Variants in FRMD4B observed in about 807,000 individuals in gnomAD.
The protein encoded by FRMD4B is FERM domain-containing protein 4B.
A neutral mutation model predicts 141.5 loss-of-function variants in FRMD4B; 74 were observed. The observed-to-expected ratio is 0.52, with a 90% CI of 0.43 to 0.63. The LOEUF is 0.63. Among genes scored for constraint, FRMD4B ranks in the 30% least tolerant of loss-of-function variants. FRMD4B has a pLI of 0.00. For missense variants in FRMD4B, 1,366 were observed against 1,253.4 expected (o/e 1.09, Z -1.36); for synonymous variants, 506 against 467.9 (o/e 1.08, Z -1.05).
Position 69,171,791 on chromosome 3 carries a change from A to T in FRMD4B, c.*70T>A. The T allele has an allele frequency of 6.7e-7, 1 of 1,501,558 alleles. No homozygotes were observed. The highest frequency in any genetic ancestry group is 9.2e-7 in the Non-Finnish European group (1 of 1,088,452). 93.0% of individuals were successfully genotyped at this position (1,501,558 alleles called of 1,614,324 possible). The stretch of plus-strand genomic sequence containing the variant: ...GTTTCTAAAACGAACATCCTCTCGG[A>T]AGACAAATACAATTTGCAAGGCACA... On this transcript the variant is annotated 3_prime_UTR_variant, in exon 23 of 23. Coordinates refer to ENST00000398540, the MANE Select transcript of FRMD4B (RefSeq NM_015123.3).
intron 5 of FRMD4B, among the ~76,000 whole-genome samples, chr3:69,268,568 G>C (rs1159566187): frequency 6.6e-6 from 1 of 151,910 alleles, no homozygotes; most frequent in South Asian, 2.1e-4. Flanking sequence ...GCAGCAGGGC[G>C]TTCTGATGCA....
chr3:69,481,711 C>T (rs1011666876), intron 1 of FRMD4B, among the ~76,000 whole-genome samples: 3 of 152,128 alleles, frequency 2.0e-5, no homozygotes, highest in South Asian at 2.1e-4. Flanking sequence ...TCACCTTTCA[C>T]AACTTCAGTC....
rs780109217 is a variant in FRMD4B, at chr3:69,171,788, C to T, written c.*73G>A. On this transcript the variant is annotated 3_prime_UTR_variant, in exon 23 of 23. Coordinates refer to ENST00000398540, the MANE Select transcript of FRMD4B (RefSeq NM_015123.3). ...TAGGTTTCTAAAACGAACATCCTCT[C>T]GGAAGACAAATACAATTTGCAAGGC... 30 of 1,480,748 alleles carry T rather than the reference C, an allele frequency of 2.0e-5. No homozygotes were observed. Among genetic ancestry groups the T allele is most frequent in the African/African-American group, 4.2e-5 (3 of 71,614 alleles). 91.7% of individuals were successfully genotyped at this position (1,480,748 alleles called of 1,614,324 possible).
chr3:69,271,469 T>TGAAA (rs2093594081), intron 5 of FRMD4B, among the ~76,000 whole-genome samples: 1 of 152,112 alleles, frequency 6.6e-6, no homozygotes, highest in African/African-American at 2.4e-5. Flanking sequence ...CACAGCACGA[T>TGAAA]GAAAAGGTCC....
chr3:69,369,558 CT>C (rs1703766657), intron 1 of FRMD4B, among the ~76,000 whole-genome samples: 1 of 151,962 alleles, frequency 6.6e-6, no homozygotes, highest in Admixed American at 6.6e-5. Flanking sequence ...ATTTTTGAAA[CT>C]CAGAGTTGGT....
intron 4 of FRMD4B, among the ~76,000 whole-genome samples, chr3:69,290,506 A>G (rs1700837525): frequency 6.6e-6 from 1 of 152,132 alleles, no homozygotes; most frequent in Admixed American, 6.5e-5. Context: ...GTTTCTGTGC[A>G]TTTCCAAGAA....
chr3:69,216,191 G>T, intron 11 of FRMD4B, 72 bp downstream of exon 11: 1 of 841,220 alleles, frequency 1.2e-6, no homozygotes, highest in South Asian at 1.5e-5. Flanking sequence ...CTAATGGTGT[G>T]TGCTTTTCAA....
intron 1 of FRMD4B, among the ~76,000 whole-genome samples, chr3:69,520,050 C>CATATATATATATGATGGA (rs1174455277): frequency 1.3e-5 from 1 of 76,580 alleles, no homozygotes; most frequent in Non-Finnish European, 2.2e-5. Context: ...ATATTCCATC[C>CATATATATATATGATGGA]ATATATATAT....
chr3:69,207,575 C>T (rs1399410525), intron 11 of FRMD4B, among the ~76,000 whole-genome samples: 11 of 152,072 alleles, frequency 7.2e-5, no homozygotes, highest in Non-Finnish European at 1.2e-4. Flanking sequence ...TTTGGGAGGC[C>T]GAGGCGGGTG....
intron 16 of FRMD4B, 54 bp from the exon 17 acceptor site, chr3:69,193,927 A>C (rs988404455): frequency 9.2e-7 from 1 of 1,086,226 alleles, no homozygotes; most frequent in African/African-American, 1.6e-5. Flanking sequence ...ATCAACTCTT[A>C]CATGCATTGT....
Position 69,171,043 on chromosome 3 carries a change from A to T in FRMD4B, c.*818T>A, listed in dbSNP as rs533119959. Reference sequence around the variant, plus strand: ...AGTCTGCCACTTCAAATGACAGCCGAGTTGGAGAATTAACAGCCAGAACAA... The same window carrying T: ...AGTCTGCCACTTCAAATGACAGCCGTGTTGGAGAATTAACAGCCAGAACAA... On this transcript the variant is annotated 3_prime_UTR_variant, in exon 23 of 23. Transcript: ENST00000398540. 1 of 152,296 alleles carries T rather than the reference A, an allele frequency of 6.6e-6. No individual in the cohort carries two copies. Among genetic ancestry groups the T allele is most frequent in the African/African-American group, 2.4e-5 (1 of 41,576 alleles). The allele number at this position is 152,296 out of a possible 1,614,324, so 9.4% of individuals were successfully genotyped here. A position where few individuals can be genotyped will look rare whatever the true frequency, so the allele number is the denominator to read the frequency against.
chr3:69,370,608 C>CT lies in FRMD4B; in HGVS notation c.162+15219_162+15220insA, dbSNP rs539681173. Among the ~76,000 whole-genome samples the CT allele has an allele frequency of 5.3e-5, 8 of 152,362 alleles. No homozygotes were observed. The South Asian group carries it at 1.4e-3, about 28-fold the overall frequency. ...TCAATAATGAAAAAGAATAAACCCA[C>CT]ACATACAAATGTATTTCAACATACA... On this transcript the variant is annotated intron_variant, in intron 1 of 22. Coordinates refer to ENST00000398540, the MANE Select transcript of FRMD4B (RefSeq NM_015123.3).
chr3:69,504,147 G>T (rs1239638582), intron 1 of FRMD4B, among the ~76,000 whole-genome samples: 1 of 152,038 alleles, frequency 6.6e-6, no homozygotes, highest in Non-Finnish European at 1.5e-5. Context: ...TGCATAATTG[G>T]ATCATACTGT....
At position 69,487,544 on chromosome 3, in the gene FRMD4B, A is replaced by G. The variant is rs180682703; in HGVS notation, c.-129+54662T>C. Among the ~76,000 whole-genome samples, 107 of 152,342 alleles carry G rather than the reference A, an allele frequency of 7.0e-4. No individual in the cohort carries two copies. In the East Asian group the frequency reaches 0.016, roughly 22 times the overall value. ...TCTTAGGAGGACTGGTGGAGGCAGG[A>G]GGAATGGAAAGCTAGTGAATGAGAC... On this transcript the variant is annotated intron_variant, in intron 1 of 5. Coordinates refer to the FRMD4B transcript ENST00000459638.
At chr3:69,180,256 A>G (rs1393751001) in intron 21 of FRMD4B, among the ~76,000 whole-genome samples, 1 of 150,370 alleles carries the variant, frequency 6.7e-6, no homozygotes, top group African/African-American at 2.4e-5. Context: ...CAAAAAAAAA[A>G]AAAAAAAAAA....
chr3:69,353,579 A>G (rs1703224910), intron 1 of FRMD4B: 1 of 985,290 alleles, frequency 1.0e-6, no homozygotes, highest in African/African-American at 1.7e-5. Context: ...ATTTAAAGGA[A>G]CTGAAGAGAG....
At chr3:69,199,515 C>T (rs1332712054) in intron 11 of FRMD4B, among the ~76,000 whole-genome samples, 2 of 152,180 alleles carry the variant, frequency 1.3e-5, no homozygotes, top group African/African-American at 4.8e-5. Context: ...GAAAGTAAAA[C>T]GGAACCCCCA....
chr3:69,245,639 AC>A (rs2093419581), intron 7 of FRMD4B, among the ~76,000 whole-genome samples: 1 of 147,222 alleles, frequency 6.8e-6, no homozygotes, highest in African/African-American at 2.5e-5. Context: ...GAGCCATTGC[AC>A]CTGGCCTTGG....
chr3:69,237,643 C>A (rs977540520), intron 7 of FRMD4B, among the ~76,000 whole-genome samples: 3 of 152,124 alleles, frequency 2.0e-5, no homozygotes, highest in Non-Finnish European at 2.9e-5. Flanking sequence ...TGCGAGCATG[C>A]ATTTCTACAC....
Sources: gnomAD v4.1 joint callset for allele counts (sites outside exome capture counted in the v4.1 genomes callset) on GRCh38, gnomAD v4.1.1 for gene constraint, MANE v1.5 for transcripts, NCBI Gene and HGNC (gene_info 2026-07-23, HGNC 2026-07-21) for gene names.